The following NDFIP2 variants were observed in gnomAD, a reference collection of about 807,000 sequenced individuals.
NDFIP2 encodes the protein NEDD4 family-interacting protein 2.
NDFIP2 carries 19 observed loss-of-function variants against 36.0 expected under a neutral mutation model. The observed-to-expected ratio is 0.53, with a 90% CI of 0.37 to 0.77. The LOEUF (loss-of-function observed/expected upper bound fraction) is 0.77, where lower values mean the gene tolerates loss of function less well. Ranked by LOEUF, NDFIP2 falls within the 30% of genes least tolerant of loss-of-function variation. The pLI, the probability that NDFIP2 is intolerant of heterozygous loss-of-function variation, is 0.00. For missense variants in NDFIP2, 446 were observed against 435.8 expected, an observed-to-expected ratio of 1.02 and a Z score of -0.21; for synonymous variants, 181 against 167.7, an observed-to-expected ratio of 1.08 and a Z score of -0.61.
chr13:79,485,918 A>G (rs1456486496), intron 1 of NDFIP2, among the ~76,000 whole-genome samples: 1 of 152,176 alleles, frequency 6.6e-6, no homozygotes, highest in Non-Finnish European at 1.5e-5. Context: ...TCCTTCAGGA[A>G]TTGTTTGCAT....
In NDFIP2 at chr13:79,520,799, T is replaced by C. The variant is rs1360011318; in HGVS notation, c.322-11T>C. ...TTACATTAATGTTTTGTTTTTCTTT[T>C]GTTCTCTTAGCTTCTTAATGAAGAG... On this transcript the variant is annotated splice_polypyrimidine_tract_variant and intron_variant, in intron 1 of 7. Coordinates refer to ENST00000218652, the MANE Select transcript of NDFIP2 (RefSeq NM_019080.3). The C allele has an allele frequency of 6.3e-7, 1 of 1,585,808 alleles. No homozygotes were observed. The highest frequency in any genetic ancestry group is 8.6e-7 in the Non-Finnish European group (1 of 1,164,626).
At chr13:79,512,202 A>G (rs1874105177) in intron 1 of NDFIP2, among the ~76,000 whole-genome samples, 1 of 152,208 alleles carries the variant, frequency 6.6e-6, no homozygotes, top group African/African-American at 2.4e-5. Context: ...ATTACCAGTT[A>G]CCATTATCAT....
chr13:79,505,818 A>G (rs1873843554), intron 1 of NDFIP2, among the ~76,000 whole-genome samples: 1 of 152,128 alleles, frequency 6.6e-6, no homozygotes, highest in Non-Finnish European at 1.5e-5. Flanking sequence ...CTTATGAATC[A>G]TTGTAACCTC....
intron 1 of NDFIP2, among the ~76,000 whole-genome samples, chr13:79,504,077 G>A (rs1332628101): frequency 6.6e-6 from 1 of 152,028 alleles, no homozygotes; most frequent in Non-Finnish European, 1.5e-5. Flanking sequence ...AGGTATAGAG[G>A]AGTTAATCAT....
At chr13:79,482,058 G>A (rs2079816906) in intron 1 of NDFIP2, among the ~76,000 whole-genome samples, 1 of 151,526 alleles carries the variant, frequency 6.6e-6, no homozygotes, top group African/African-American at 2.4e-5. Flanking sequence ...CCATAATGCT[G>A]ATCTTGTCTC....
chr13:79,537,120 GT>G (rs1220547688), intron 3 of NDFIP2, among the ~76,000 whole-genome samples: 2 of 150,120 alleles, frequency 1.3e-5, no homozygotes, highest in Admixed American at 6.6e-5. Context: ...TGGTTGTTTT[GT>G]TTTTGAGGCG....
At chr13:79,487,931 G>A (rs1566652903) in intron 1 of NDFIP2, among the ~76,000 whole-genome samples, 2 of 151,994 alleles carry the variant, frequency 1.3e-5, no homozygotes, top group East Asian at 1.9e-4. Context: ...AAACTCCTTC[G>A]AATCTATAAT....
intron 1 of NDFIP2, among the ~76,000 whole-genome samples, chr13:79,497,218 C>T (rs1190321732): frequency 2.0e-5 from 3 of 151,996 alleles, no homozygotes; most frequent in African/African-American, 7.2e-5. Flanking sequence ...TGATTCAAAT[C>T]TTGGCTCAGG....
intron 3 of NDFIP2, among the ~76,000 whole-genome samples, chr13:79,533,850 A>G (rs552138091): frequency 6.6e-6 from 1 of 152,190 alleles, no homozygotes; most frequent in East Asian, 1.9e-4. Context: ...GTTATACTCA[A>G]ATTTTCTACC....
chr13:79,526,571 A>G (rs1345740912), intron 2 of NDFIP2, among the ~76,000 whole-genome samples: 6 of 152,194 alleles, frequency 3.9e-5, no homozygotes. Flanking sequence ...TATGAGAAAC[A>G]CTAGGATAGA....
chr13:79,530,819 C>T (rs191862435), intron 2 of NDFIP2, among the ~76,000 whole-genome samples: 2 of 152,310 alleles, frequency 1.3e-5, no homozygotes, highest in African/African-American at 4.8e-5. Context: ...CAATTACTTT[C>T]TCCACTGAAG....
chr13:79,486,133 G>A lies in NDFIP2; in HGVS notation c.321+4609G>A, dbSNP rs1872975864. Among the ~76,000 whole-genome samples, 4 of 151,892 alleles carry A rather than the reference G, an allele frequency of 2.6e-5. No homozygotes were observed. In the South Asian group the frequency reaches 6.2e-4, roughly 24 times the overall value. On this transcript the variant is annotated intron_variant, in intron 1 of 7. Transcript: ENST00000218652. ...TCCCATTCCCAAGATATTTCATTAC[G>A]TATATGCAATATTCCAAAATCCAAA... is the stretch of plus-strand genomic sequence containing the variant.
chr13:79,502,715 G>A (rs935960347), intron 1 of NDFIP2, among the ~76,000 whole-genome samples: 4 of 152,036 alleles, frequency 2.6e-5, no homozygotes, highest in East Asian at 1.9e-4. Flanking sequence ...TCAGCGAGAC[G>A]TTTGGGTGAA....
chr13:79,518,685 A>G (rs775537712), intron 1 of NDFIP2, among the ~76,000 whole-genome samples: 18 of 152,246 alleles, frequency 1.2e-4, no homozygotes, highest in Non-Finnish European at 1.9e-4. Flanking sequence ...ATATTATTTT[A>G]CAAGCCTATG....
intron 1 of NDFIP2, among the ~76,000 whole-genome samples, chr13:79,485,102 T>G (rs1366263865): frequency 2.0e-5 from 3 of 152,196 alleles, no homozygotes; most frequent in Non-Finnish European, 4.4e-5. Context: ...TGTGTAGGTT[T>G]TCCTAGCTAC....
chr13:79,481,566 C>G, intron 1 of NDFIP2, 42 bp downstream of exon 1: 2 of 1,511,860 alleles, frequency 1.3e-6, no homozygotes, highest in South Asian at 2.6e-5. Context: ...CTGCCTCCCG[C>G]CGCGGCGTCC....
intron 3 of NDFIP2, 127 bp downstream of exon 3, chr13:79,533,583 T>A: frequency 1.4e-6 from 1 of 711,120 alleles, no homozygotes; most frequent in Non-Finnish European, 2.2e-6. Flanking sequence ...ATTATGGGTT[T>A]AAACTGCACA....
intron 1 of NDFIP2, among the ~76,000 whole-genome samples, chr13:79,492,252 CTTTTT>C (rs780442571): frequency 7.5e-6 from 1 of 133,988 alleles, no homozygotes; most frequent in Non-Finnish European, 1.6e-5. Context: ...GTAGTGACAC[CTTTTT>C]TTTTTTTTTT....
At chr13:79,493,972 C>T (rs1201226850) in intron 1 of NDFIP2, among the ~76,000 whole-genome samples, 3 of 152,090 alleles carry the variant, frequency 2.0e-5, no homozygotes, top group African/African-American at 4.8e-5. Context: ...CTCCTTTTCA[C>T]CCTTTATCTT....
Sources: allele counts gnomAD v4.1 joint callset (sites outside exome capture counted in the v4.1 genomes callset), GRCh38; gene constraint gnomAD v4.1.1; transcripts MANE v1.5; gene names NCBI Gene and HGNC (gene_info 2026-07-23, HGNC 2026-07-21).